Variants in NPAS3 observed in about 807,000 individuals in gnomAD.
NPAS3 encodes the protein neuronal PAS domain protein 3.
A neutral mutation model predicts 73.1 loss-of-function variants in NPAS3; 14 were observed. The ratio of observed to expected loss-of-function variants is 0.19; its 90% CI spans 0.13 to 0.30. NPAS3 has a LOEUF of 0.30. Ranked by LOEUF, NPAS3 falls within the 10% of genes least tolerant of loss-of-function variation. The probability of loss-of-function intolerance (pLI) is 1.00; values close to 1 mark genes in which losing one functional copy is unlikely to be tolerated. For synonymous variants in NPAS3, 620 were observed against 541.5 expected, an observed-to-expected ratio of 1.14 and a Z score of -2.01; for missense variants, 1,096 against 1,250.0, an observed-to-expected ratio of 0.88 and a Z score of 1.86.
intron 4 of NPAS3, among the ~76,000 whole-genome samples, chr14:33,485,572 A>G (rs2051545407): frequency 6.6e-6 from 1 of 152,148 alleles, no homozygotes; most frequent in Admixed American, 6.6e-5. Flanking sequence ...GAAGAATTTC[A>G]TTTCTCATGC....
chr14:33,064,598 G>C (rs2041218833), intron 2 of NPAS3, among the ~76,000 whole-genome samples: 1 of 152,146 alleles, frequency 6.6e-6, no homozygotes, highest in Admixed American at 6.5e-5. Flanking sequence ...CGGGGAGGGG[G>C]AGTAGTCGTA....
At chr14:33,290,339 CAG>C (rs990831545) in intron 3 of NPAS3, among the ~76,000 whole-genome samples, 1 of 152,154 alleles carries the variant, frequency 6.6e-6, no homozygotes, top group African/African-American at 2.4e-5. Context: ...ATATCCCAAA[CAG>C]GGGTTATTAC....
intron 3 of NPAS3, among the ~76,000 whole-genome samples, chr14:33,290,873 C>T (rs2042072702): frequency 6.6e-6 from 1 of 152,134 alleles, no homozygotes; most frequent in Non-Finnish European, 1.5e-5. Context: ...AAGTTTAAAG[C>T]GGCAGCATAA....
At chr14:33,562,711 AC>A (rs1410030357) in intron 5 of NPAS3, among the ~76,000 whole-genome samples, 2 of 152,174 alleles carry the variant, frequency 1.3e-5, no homozygotes, top group African/African-American at 4.8e-5. Flanking sequence ...TGAGGGAAAA[AC>A]AAAAAATCTA....
At chr14:33,514,087 T>C (rs144052075) in intron 4 of NPAS3, among the ~76,000 whole-genome samples, 2 of 152,054 alleles carry the variant, frequency 1.3e-5, no homozygotes, top group Non-Finnish European at 2.9e-5. Flanking sequence ...TAATCCCCCT[T>C]GGACATGAGT....
intron 3 of NPAS3, among the ~76,000 whole-genome samples, chr14:33,336,817 A>G (rs28460091): frequency 0.023 from 3,499 of 152,246 alleles, 148 homozygotes; most frequent in African/African-American, 0.08. Flanking sequence ...GCCTACCAAA[A>G]TTTTGTTAAT....
At chr14:33,583,188 T>G (rs1192184505) in intron 5 of NPAS3, 2 of 152,116 alleles carry the variant, frequency 1.3e-5, no homozygotes, top group Non-Finnish European at 2.9e-5. Context: ...TGTAAAAGGC[T>G]ATTTGCAGTT....
intron 3 of NPAS3, among the ~76,000 whole-genome samples, chr14:33,259,857 CTTT>C (rs33939091): frequency 1.9e-4 from 27 of 145,642 alleles, no homozygotes; most frequent in East Asian, 7.9e-4. Context: ...GCAGCAGCAT[CTTT>C]TTTTTTTTTT....
intron 2 of NPAS3, among the ~76,000 whole-genome samples, chr14:33,075,897 AAATT>A (rs1210279172): frequency 6.6e-6 from 1 of 152,190 alleles, no homozygotes; most frequent in Non-Finnish European, 1.5e-5. Flanking sequence ...TTATATTAAA[AAATT>A]AAACTGTTTT....
intron 5 of NPAS3, among the ~76,000 whole-genome samples, chr14:33,602,400 C>T (rs1363914582): frequency 6.6e-6 from 1 of 152,180 alleles, no homozygotes; most frequent in Non-Finnish European, 1.5e-5. Context: ...TGCCTGTTAT[C>T]AGGAGTAGAA....
chr14:33,528,289 A>G (rs558660395), intron 4 of NPAS3, among the ~76,000 whole-genome samples: 4 of 152,070 alleles, frequency 2.6e-5, no homozygotes, highest in African/African-American at 9.6e-5. Flanking sequence ...CTGCACATTC[A>G]TGCAGTATTC....
At chr14:33,276,317 T>C (rs1010751932) in intron 3 of NPAS3, among the ~76,000 whole-genome samples, 2 of 152,180 alleles carry the variant, frequency 1.3e-5, no homozygotes, top group East Asian at 3.9e-4. Context: ...AAGAAATTAC[T>C]CTTTGTTCAC....
intron 2 of NPAS3, among the ~76,000 whole-genome samples, chr14:33,167,431 A>C (rs2045206729): frequency 6.6e-6 from 1 of 152,014 alleles, no homozygotes; most frequent in African/African-American, 2.4e-5. Context: ...ACACACATAC[A>C]CACACACACG....
At chr14:32,957,750 A>C (rs998022324) in intron 1 of NPAS3, among the ~76,000 whole-genome samples, 2 of 152,170 alleles carry the variant, frequency 1.3e-5, no homozygotes, top group Non-Finnish European at 2.9e-5. Context: ...AAAAATTTTC[A>C]GTTTTGTTTA....
intron 3 of NPAS3, among the ~76,000 whole-genome samples, chr14:33,297,405 G>A (rs1381014193): frequency 1.3e-5 from 2 of 151,992 alleles, no homozygotes; most frequent in East Asian, 3.9e-4. Flanking sequence ...TCATAATATA[G>A]TAAAGGAATA....
At chr14:33,502,687 C>A (rs1332523291) in intron 4 of NPAS3, among the ~76,000 whole-genome samples, 3 of 151,882 alleles carry the variant, frequency 2.0e-5, no homozygotes, top group African/African-American at 7.2e-5. Flanking sequence ...TTTACTGCTG[C>A]TGCGCCATCT....
chr14:33,214,252 G>A (rs1417692244), intron 2 of NPAS3: 1 of 152,132 alleles, frequency 6.6e-6, no homozygotes, highest in Non-Finnish European at 1.5e-5. Context: ...GAATTCTCCT[G>A]TCAGATGCTC....
intron 3 of NPAS3, among the ~76,000 whole-genome samples, chr14:33,343,726 T>G (rs1184116169): frequency 6.6e-6 from 1 of 152,204 alleles, no homozygotes; most frequent in Non-Finnish European, 1.5e-5. Flanking sequence ...AAAATATATT[T>G]GGCTGCAAAT....
chr14:33,521,022 T>C (rs545317928), intron 4 of NPAS3, among the ~76,000 whole-genome samples: 34 of 152,280 alleles, frequency 2.2e-4, no homozygotes, highest in African/African-American at 7.2e-4. Flanking sequence ...AGGGTAGAAT[T>C]CCAGCTTTTT....
Sources: allele counts gnomAD v4.1 joint callset (sites outside exome capture counted in the v4.1 genomes callset), GRCh38; gene constraint gnomAD v4.1.1; transcripts MANE v1.5; gene names NCBI Gene and HGNC (gene_info 2026-07-23, HGNC 2026-07-21).